The following ZNF475 variants were observed in gnomAD, a reference collection of about 807,000 sequenced individuals.
The protein encoded by ZNF475 is zinc finger protein 475.
chr5:122,175,639 A>G, the ZNF475 span, among the ~76,000 whole-genome samples: 2 of 152,186 alleles, frequency 1.3e-5, no homozygotes, highest in African/African-American at 2.4e-5. Flanking sequence ...GACTAAGTCC[A>G]TGTATGTGAG....
chr5:122,164,907 C>T, the ZNF475 span, among the ~76,000 whole-genome samples: 1 of 152,152 alleles, frequency 6.6e-6, no homozygotes, highest in South Asian at 2.1e-4. Context: ...CAACCTGATA[C>T]TGTCTCAGAG....
chr5:122,168,422 T>C, the ZNF475 span, among the ~76,000 whole-genome samples: 1 of 152,142 alleles, frequency 6.6e-6, no homozygotes, highest in Non-Finnish European at 1.5e-5. Context: ...ATAACCAAGA[T>C]GGTTTAGTGT....
chr5:122,172,511 G>A, the ZNF475 span, among the ~76,000 whole-genome samples: 2 of 152,116 alleles, frequency 1.3e-5, no homozygotes, highest in African/African-American at 2.4e-5. Flanking sequence ...CCAATCAGTC[G>A]ATATCATATC....
At chr5:122,180,006 C>A in the ZNF475 span, 24 of 240,708 alleles carry the variant, frequency 1.0e-4, no homozygotes, top group Admixed American at 1.3e-3. Flanking sequence ...TTTCATACAT[C>A]ATCAAACCCT....
At chr5:122,179,178 C>T in the ZNF475 span, among the ~76,000 whole-genome samples, 1 of 152,080 alleles carries the variant, frequency 6.6e-6, no homozygotes, top group African/African-American at 2.4e-5. Context: ...TGTGCTGCTT[C>T]CAGCTTTGTT....
At chr5:122,162,026 C>T in the ZNF475 span, among the ~76,000 whole-genome samples, 1 of 151,082 alleles carries the variant, frequency 6.6e-6, no homozygotes, top group East Asian at 1.9e-4. Context: ...TTTCAGAAAC[C>T]TAGACCAAAT....
At chr5:122,176,564 T>C in the ZNF475 span, among the ~76,000 whole-genome samples, 5 of 152,182 alleles carry the variant, frequency 3.3e-5, no homozygotes, top group Admixed American at 2.0e-4. Context: ...CTTCTGTCAA[T>C]GCCCCTTCCT....
At chr5:122,176,276 T>C in the ZNF475 span, among the ~76,000 whole-genome samples, 13 of 151,894 alleles carry the variant, frequency 8.6e-5, no homozygotes, top group African/African-American at 2.7e-4. Context: ...CTCCTATCTA[T>C]AGAATTTTCA....
At chr5:122,182,641 A>G in the ZNF475 span, 3 of 1,534,426 alleles carry the variant, frequency 2.0e-6, no homozygotes, top group African/African-American at 4.1e-5. Context: ...GCCGCCAAGT[A>G]AAGCCCTTTT....
the ZNF475 span, chr5:122,179,596 G>C: frequency 6.5e-7 from 1 of 1,528,544 alleles, no homozygotes; most frequent in African/African-American, 1.4e-5. Flanking sequence ...TACATTTGTG[G>C]TCGTGAATAT....
the ZNF475 span, chr5:122,182,469 C>CT: frequency 2.9e-6 from 4 of 1,403,290 alleles, no homozygotes; most frequent in South Asian, 1.6e-5. Context: ...TTTCTTTTTG[C>CT]TTTTTTCCTT....
chr5:122,181,377 C>T, the ZNF475 span, among the ~76,000 whole-genome samples: 1 of 152,122 alleles, frequency 6.6e-6, no homozygotes, highest in Non-Finnish European at 1.5e-5. Context: ...TTTTAAAACT[C>T]GCATGAGTAA....
chr5:122,181,590 T>A, the ZNF475 span, among the ~76,000 whole-genome samples: 1 of 152,216 alleles, frequency 6.6e-6, no homozygotes, highest in Admixed American at 6.5e-5. Flanking sequence ...TGTGAACCAT[T>A]AGATAGAAAT....
the ZNF475 span, among the ~76,000 whole-genome samples, chr5:122,168,698 C>T: frequency 1.3e-5 from 2 of 152,200 alleles, no homozygotes; most frequent in Admixed American, 6.5e-5. Flanking sequence ...GGGCACAGAG[C>T]AAGACTCCGT....
At chr5:122,165,449 A>G in the ZNF475 span, among the ~76,000 whole-genome samples, 1 of 152,116 alleles carries the variant, frequency 6.6e-6, no homozygotes, top group Non-Finnish European at 1.5e-5. Flanking sequence ...TGTCATGTCT[A>G]TCTCCCCCGT....
chr5:122,180,702 G>T, the ZNF475 span, among the ~76,000 whole-genome samples: 2 of 152,030 alleles, frequency 1.3e-5, no homozygotes, highest in Non-Finnish European at 2.9e-5. Flanking sequence ...AGTACCTTGG[G>T]GGTCATTTAA....
the ZNF475 span, among the ~76,000 whole-genome samples, chr5:122,166,701 G>A: frequency 6.6e-5 from 10 of 152,192 alleles, no homozygotes; most frequent in Non-Finnish European, 1.3e-4. Flanking sequence ...GTATTCCATG[G>A]TGTACATGTG....
At chr5:122,173,688 G>A in the ZNF475 span, among the ~76,000 whole-genome samples, 1 of 152,092 alleles carries the variant, frequency 6.6e-6, no homozygotes, top group African/African-American at 2.4e-5. Context: ...AAAAGTTAGT[G>A]GATTCAAGTT....
the ZNF475 span, among the ~76,000 whole-genome samples, chr5:122,166,346 C>CT: frequency 5.3e-4 from 77 of 145,712 alleles, no homozygotes; most frequent in African/African-American, 1.5e-3. Context: ...AGTTATGTTT[C>CT]TTTTTTTTTT....
Sources: gnomAD v4.1 joint callset for allele counts (sites outside exome capture counted in the v4.1 genomes callset) on GRCh38, gnomAD v4.1.1 for gene constraint, MANE v1.5 for transcripts, NCBI Gene and HGNC (gene_info 2026-07-23, HGNC 2026-07-21) for gene names.